Variants in SORCS1 observed in about 807,000 individuals in gnomAD.
SORCS1 encodes VPS10 domain-containing receptor SorCS1.
A neutral mutation model predicts 146.1 loss-of-function variants in SORCS1; 60 were observed. The ratio of observed to expected loss-of-function variants is 0.41; its 90% CI spans 0.33 to 0.51. SORCS1 has a LOEUF of 0.51. SORCS1 is among the 20% of genes least tolerant of loss of function. The pLI is 0.21. For missense variants in SORCS1, 1,352 were observed against 1,487.6 expected (o/e 0.91, Z 1.50); for synonymous variants, 637 against 584.0 (o/e 1.09, Z -1.31).
intron 1 of SORCS1, among the ~76,000 whole-genome samples, chr10:107,129,020 C>A (rs780936238): frequency 2.0e-5 from 3 of 152,236 alleles, no homozygotes; most frequent in Non-Finnish European, 4.4e-5. Flanking sequence ...TCTTTCTCAA[C>A]ACCAGTCCCT....
chr10:107,021,612 TG>T (rs929601010), intron 1 of SORCS1, among the ~76,000 whole-genome samples: 28 of 151,924 alleles, frequency 1.8e-4, no homozygotes, highest in African/African-American at 6.8e-4. Context: ...CATGTTTCTT[TG>T]TGACCTTCTT....
chr10:106,973,641 G>T (rs1225715841), intron 1 of SORCS1, among the ~76,000 whole-genome samples: 3 of 152,136 alleles, frequency 2.0e-5, no homozygotes, highest in Non-Finnish European at 2.9e-5. Flanking sequence ...CTATTTTCTT[G>T]AAAATTGAAC....
At chr10:107,155,345 T>A (rs938286874) in intron 1 of SORCS1, among the ~76,000 whole-genome samples, 1 of 152,174 alleles carries the variant, frequency 6.6e-6, no homozygotes, top group Non-Finnish European at 1.5e-5. Context: ...TTTTCAAACT[T>A]GAGTGTTCCC....
intron 1 of SORCS1, among the ~76,000 whole-genome samples, chr10:107,000,371 G>A (rs770574282): frequency 1.8e-4 from 27 of 151,986 alleles, no homozygotes; most frequent in African/African-American, 5.1e-4. Flanking sequence ...ACGCCGAGGC[G>A]TGTGCATCAT....
chr10:106,743,890 AAT>A (rs1857528967), intron 5 of SORCS1, among the ~76,000 whole-genome samples: 1 of 152,186 alleles, frequency 6.6e-6, no homozygotes, highest in African/African-American at 2.4e-5. Flanking sequence ...AACCACCTTT[AAT>A]ATTTTGCTGT....
At chr10:107,091,525 T>G (rs1964177711) in intron 1 of SORCS1, among the ~76,000 whole-genome samples, 1 of 152,224 alleles carries the variant, frequency 6.6e-6, no homozygotes, top group Non-Finnish European at 1.5e-5. Context: ...TCCCATAAAC[T>G]TGGGAAGATG....
At chr10:107,027,012 G>T (rs969700904) in intron 1 of SORCS1, among the ~76,000 whole-genome samples, 3 of 134,000 alleles carry the variant, frequency 2.2e-5, no homozygotes, top group Non-Finnish European at 3.1e-5. Context: ...ACTATCAGGG[G>T]TATATGTGTA....
At chr10:107,148,871 A>G (rs1968544574) in intron 1 of SORCS1, among the ~76,000 whole-genome samples, 1 of 152,220 alleles carries the variant, frequency 6.6e-6, no homozygotes. Context: ...GTCTCAGGGC[A>G]TATTTGGGAT....
At chr10:106,948,176 A>G (rs1247897368) in intron 2 of SORCS1, among the ~76,000 whole-genome samples, 2 of 152,102 alleles carry the variant, frequency 1.3e-5, no homozygotes, top group Non-Finnish European at 2.9e-5. Flanking sequence ...ATCTGTTGAC[A>G]CTTTTTAGTT....
chr10:106,764,884 G>A (rs991346431), intron 4 of SORCS1, among the ~76,000 whole-genome samples: 4 of 151,928 alleles, frequency 2.6e-5, no homozygotes, highest in African/African-American at 2.4e-5. Flanking sequence ...TTAGCTGGGC[G>A]TGGTGGCCGG....
intron 1 of SORCS1, among the ~76,000 whole-genome samples, chr10:106,957,011 T>C (rs1165001512): frequency 1.3e-5 from 2 of 152,160 alleles, no homozygotes; most frequent in Non-Finnish European, 2.9e-5. Flanking sequence ...TACCATCTTT[T>C]TGGGAGACAG....
chr10:107,153,737 C>T (rs780350268), intron 1 of SORCS1, among the ~76,000 whole-genome samples: 1 of 152,196 alleles, frequency 6.6e-6, no homozygotes, highest in East Asian at 1.9e-4. Context: ...AGGCCAAGTT[C>T]ACAAACTCGT....
chr10:106,636,032 G>A (rs1848703143), intron 18 of SORCS1, among the ~76,000 whole-genome samples: 1 of 152,198 alleles, frequency 6.6e-6, no homozygotes. Flanking sequence ...GGCGTGCAGA[G>A]AAGAGATTTC....
In SORCS1 at chr10:106,926,864, CACAG is replaced by C. The variant is rs1358429441; in HGVS notation, c.626+29645_626+29648del. ...ACACACACACACACACACACACACACACAGAGAGAGAGAGAGAGAGAGAGAGAGA... is the reference window on the plus strand; with the variant it reads ...ACACACACACACACACACACACACACAGAGAGAGAGAGAGAGAGAGAGAGA... On this transcript the variant is annotated intron_variant, in intron 2 of 25. Coordinates refer to ENST00000263054, the MANE Select transcript of SORCS1 (RefSeq NM_052918.5). Among the ~76,000 whole-genome samples the C allele has an allele frequency of 8.5e-3, 599 of 70,680 alleles. 3 individuals carry two copies. The highest frequency in any genetic ancestry group is 0.041 in the African/African-American group (506 of 12,418). The allele number at this position is 70,680 out of a possible 152,430, so 46.4% of individuals were successfully genotyped here.
At chr10:106,919,634 G>T (rs1952608849) in intron 2 of SORCS1, among the ~76,000 whole-genome samples, 1 of 152,220 alleles carries the variant, frequency 6.6e-6, no homozygotes, top group Admixed American at 6.5e-5. Context: ...TTCAGGAGAT[G>T]CCTAACGGTA....
chr10:106,969,670 G>A (rs1053195212), intron 1 of SORCS1, among the ~76,000 whole-genome samples: 1 of 152,202 alleles, frequency 6.6e-6, no homozygotes, highest in African/African-American at 2.4e-5. Context: ...AATTAATAGT[G>A]CCTTAGAGAT....
At chr10:106,656,974 G>C (rs1850342736) in intron 17 of SORCS1, among the ~76,000 whole-genome samples, 1 of 152,146 alleles carries the variant, frequency 6.6e-6, no homozygotes, top group South Asian at 2.1e-4. Context: ...GTGCTGAAAA[G>C]AGAACGCTTA....
At chr10:106,631,232 A>G (rs774708137) in intron 18 of SORCS1, among the ~76,000 whole-genome samples, 3 of 152,238 alleles carry the variant, frequency 2.0e-5, no homozygotes, top group African/African-American at 7.2e-5. Flanking sequence ...CAATAAGTAC[A>G]TAGGCACAAA....
intron 4 of SORCS1, among the ~76,000 whole-genome samples, chr10:106,767,533 G>C (rs564921084): frequency 2.0e-5 from 3 of 152,240 alleles, no homozygotes; most frequent in African/African-American, 7.2e-5. Flanking sequence ...CTGTTGTTCA[G>C]GTTGGAGTAC....
Sources: gnomAD v4.1 joint callset for allele counts (sites outside exome capture counted in the v4.1 genomes callset) on GRCh38, gnomAD v4.1.1 for gene constraint, MANE v1.5 for transcripts, NCBI Gene and HGNC (gene_info 2026-07-23, HGNC 2026-07-21) for gene names.